The following NTN1 variants were observed in gnomAD, a reference collection of about 807,000 sequenced individuals.
NTN1 encodes netrin-1.
NTN1 carries 11 observed loss-of-function variants against 54.2 expected under a neutral mutation model. The observed-to-expected ratio is 0.20, with a 90% confidence interval of 0.13 to 0.34. NTN1 has a LOEUF of 0.34. NTN1 is among the 10% of genes least tolerant of loss of function. NTN1 has a pLI of 1.00. For synonymous variants in NTN1, 371 were observed against 382.0 expected, an observed-to-expected ratio of 0.97 and a Z score of 0.33; for missense variants, 740 against 893.1, an observed-to-expected ratio of 0.83 and a Z score of 2.18.
At chr17:9,009,451 C>G in the NTN1 span, among the ~76,000 whole-genome samples, 1 of 152,234 alleles carries the variant, frequency 6.6e-6, no homozygotes, top group Non-Finnish European at 1.5e-5. Context: ...TGCCTGATAT[C>G]AGCATCCACA....
In NTN1 at chr17:9,221,241, T is replaced by C. The variant is rs779062414; in HGVS notation, c.1485T>C (p.Tyr495=). ...TGAAAAAGTACTGCAAGAAGGACTA[T>C]GGTGAGTGAGAGTCCCCTTGTCTGG... ...INMKKYCKKD[Y]AVQIHILKAD... The change falls in exon 6 of 7, where the codon TAT becomes TAC. Residue 495 remains tyrosine, a splice_region_variant and synonymous_variant. Transcript: ENST00000173229. This position sits in a 1 kb window ranked among gnomAD's most constrained non-coding sequence, Gnocchi z 4.5. 3 of 1,608,030 alleles carry C rather than the reference T, an allele frequency of 1.9e-6. No homozygotes were observed. Among genetic ancestry groups the C allele is most frequent in the Non-Finnish European group, 2.5e-6 (3 of 1,177,186 alleles).
chr17:9,018,115 G>C (rs555724769), upstream of NTN1, among the ~76,000 whole-genome samples: 60 of 152,242 alleles, frequency 3.9e-4, no homozygotes, highest in African/African-American at 1.4e-3. Flanking sequence ...CGTATTACAG[G>C]AGGTTCTAGA....
intron 2 of NTN1, among the ~76,000 whole-genome samples, chr17:9,141,773 C>T (rs763159460): frequency 6.6e-6 from 1 of 152,102 alleles, no homozygotes; most frequent in Non-Finnish European, 1.5e-5. Context: ...ATCCAAAACA[C>T]AGTTGGGGCT....
chr17:9,026,489 T>C (rs1013229138), intron 2 of NTN1, among the ~76,000 whole-genome samples: 7 of 152,156 alleles, frequency 4.6e-5, no homozygotes, highest in African/African-American at 1.7e-4. Context: ...CTAAATACTT[T>C]CTTCCGCCCA....
At chr17:9,123,830 A>G (rs1472208035) in intron 2 of NTN1, among the ~76,000 whole-genome samples, 1 of 152,144 alleles carries the variant, frequency 6.6e-6, no homozygotes, top group African/African-American at 2.4e-5. Flanking sequence ...CTCATGATAC[A>G]TTTTAGGATG....
intron 2 of NTN1, among the ~76,000 whole-genome samples, chr17:9,060,996 G>A (rs1197074493): frequency 7.1e-6 from 1 of 140,822 alleles, no homozygotes; most frequent in Non-Finnish European, 1.5e-5. Flanking sequence ...AAAAAAGTAG[G>A]CAACAAAGGT....
rs1906224641 is a variant in NTN1 at position 9,241,840 on chromosome 17, C to T, written c.*1872C>T. 1 of 152,264 alleles carries T rather than the reference C, an allele frequency of 6.6e-6. No individual in the cohort carries two copies. Among genetic ancestry groups the T allele is most frequent in the Admixed American group, 6.5e-5 (1 of 15,288 alleles). The allele number at this position is 152,264 out of a possible 1,614,324, so 9.4% of individuals were successfully genotyped here. ...GGTGGCAGGACTGGGGCTCAAACTC[C>T]AGAGCCCGACTTTCTGACCAGGGGC... On this transcript the variant is annotated 3_prime_UTR_variant, in exon 7 of 7. Transcript: ENST00000173229.
chr17:9,227,907 C>T (rs1008128072), intron 6 of NTN1, among the ~76,000 whole-genome samples: 5 of 152,022 alleles, frequency 3.3e-5, no homozygotes, highest in African/African-American at 1.2e-4. Context: ...ATACGCATAC[C>T]ACTACACACA....
intron 2 of NTN1, among the ~76,000 whole-genome samples, chr17:9,067,250 G>C (rs906768519): frequency 2.1e-4 from 29 of 138,636 alleles, no homozygotes; most frequent in African/African-American, 7.1e-4. Flanking sequence ...CTGGGCGACA[G>C]AGCAAGACCC....
chr17:9,109,803 C>T (rs550834871), intron 2 of NTN1, among the ~76,000 whole-genome samples: 10 of 152,258 alleles, frequency 6.6e-5, no homozygotes, highest in African/African-American at 2.2e-4. Context: ...TTTGCCATTC[C>T]GATGGTGTGT....
intron 5 of NTN1, among the ~76,000 whole-genome samples, chr17:9,209,123 G>A (rs550359580): frequency 1.3e-5 from 2 of 152,152 alleles, no homozygotes; most frequent in Non-Finnish European, 2.9e-5. Flanking sequence ...CCCATCTCAC[G>A]GCACCATAGT....
intron 2 of NTN1, among the ~76,000 whole-genome samples, chr17:9,160,271 T>C (rs756255771): frequency 3.3e-5 from 5 of 152,066 alleles, no homozygotes; most frequent in Non-Finnish European, 5.9e-5. Context: ...GCCTGACTAA[T>C]TTTTGTATTT....
intron 2 of NTN1, among the ~76,000 whole-genome samples, chr17:9,073,371 A>G (rs1424328217): frequency 1.3e-5 from 2 of 152,214 alleles, no homozygotes; most frequent in African/African-American, 4.8e-5. Context: ...TCCCCACGAG[A>G]GTTCTCCATC....
intron 2 of NTN1, among the ~76,000 whole-genome samples, chr17:9,029,189 G>A (rs745533735): frequency 6.6e-5 from 10 of 152,052 alleles, no homozygotes; most frequent in Non-Finnish European, 1.2e-4. Context: ...GGTGGTTGGG[G>A]GGTTGCGTCC....
chr17:9,102,330 G>GTCC (rs1555567967), intron 2 of NTN1, among the ~76,000 whole-genome samples: 2 of 52,322 alleles, frequency 3.8e-5, no homozygotes, highest in Admixed American at 3.4e-4. Flanking sequence ...GAGCAAACAT[G>GTCC]TCCTTCACAT....
At chr17:9,075,348 G>T (rs1019196867) in intron 2 of NTN1, among the ~76,000 whole-genome samples, 1 of 152,062 alleles carries the variant, frequency 6.6e-6, no homozygotes, top group Non-Finnish European at 1.5e-5. Context: ...TGGGCATGGC[G>T]GTGGGCACCT....
At chr17:9,062,543 C>G (rs954154850) in intron 2 of NTN1, among the ~76,000 whole-genome samples, 9 of 152,034 alleles carry the variant, frequency 5.9e-5, no homozygotes, top group African/African-American at 2.2e-4. Flanking sequence ...GCCAGGGGAA[C>G]CTTTAGCTAA....
chr17:9,052,515 A>G (rs967931158), intron 2 of NTN1, among the ~76,000 whole-genome samples: 4 of 152,270 alleles, frequency 2.6e-5, no homozygotes, highest in Non-Finnish European at 5.9e-5. Flanking sequence ...TTGCACATAT[A>G]TATGAGAGAG....
chr17:9,079,947 C>G (rs1031695028), intron 2 of NTN1, among the ~76,000 whole-genome samples: 4 of 150,970 alleles, frequency 2.6e-5, no homozygotes, highest in African/African-American at 9.8e-5. Flanking sequence ...TCCTGACCAC[C>G]AAGGAAGTGG....
Sources: gnomAD v4.1 joint callset for allele counts (sites outside exome capture counted in the v4.1 genomes callset) on GRCh38, gnomAD v4.1.1 for gene constraint, Gnocchi (gnomAD v3.1) non-coding constraint, MANE v1.5 for transcripts, NCBI Gene and HGNC (gene_info 2026-07-23, HGNC 2026-07-21) for gene names.